Variants in ANK2 observed in about 807,000 individuals in gnomAD.
ANK2 encodes the protein ankyrin-2.
A neutral mutation model predicts 360.5 loss-of-function variants in ANK2; 83 were observed. The ratio of observed to expected loss-of-function variants is 0.23; its 90% CI spans 0.19 to 0.28. ANK2 has a LOEUF of 0.28. Ranked by LOEUF, ANK2 falls within the 10% of genes least tolerant of loss-of-function variation. The probability of loss-of-function intolerance (pLI) is 1.00; values close to 1 mark genes in which losing one functional copy is unlikely to be tolerated. For synonymous variants in ANK2, 1,740 were observed against 1,759.5 expected (o/e 0.99, Z 0.28); for missense variants, 4,201 against 4,795.7 (o/e 0.88, Z 3.66).
Position 113,356,513 on chromosome 4 carries a change from T to C in ANK2, c.7895T>C (p.Val2632Ala), listed in dbSNP as rs755760560. Residue 2632 changes from valine (V) to alanine (A), a missense_variant, in exon 38 of 46, where the codon GTA (valine) becomes GCA (alanine). Around this residue, in one of 4 missense-constraint regions of ANK2, gnomAD observed 2,642 missense variants for 2,714.5 expected, o/e 0.97. Coordinates refer to ENST00000357077, the MANE Select transcript of ANK2 (RefSeq NM_001148.6). ...SSSDPDADCS[V>A]DVDEPKHTGS... ...TCTGACCCAGATGCTGACTGTTCAG[T>C]AGATGTGGATGAACCAAAACATACA... 1 of 1,614,112 alleles carries C rather than the reference T, an allele frequency of 6.2e-7. No homozygotes were observed. The highest frequency in any genetic ancestry group is 8.5e-7 in the Non-Finnish European group (1 of 1,180,004).
chr4:112,876,134 TC>T (rs1177905173), intron 1 of ANK2, among the ~76,000 whole-genome samples: 3 of 152,034 alleles, frequency 2.0e-5, no homozygotes, highest in African/African-American at 4.8e-5. Context: ...ATATAATCAA[TC>T]CGTTTTCAAT....
At chr4:112,730,402 C>T in the ANK2 span, among the ~76,000 whole-genome samples, 4 of 150,370 alleles carry the variant, frequency 2.7e-5, no homozygotes, top group South Asian at 2.1e-4. Flanking sequence ...TTTGGGAGAT[C>T]GAGATGGCAG....
At chr4:112,758,526 T>A in the ANK2 span, among the ~76,000 whole-genome samples, 1 of 152,160 alleles carries the variant, frequency 6.6e-6, no homozygotes, top group Non-Finnish European at 1.5e-5. Flanking sequence ...TTCTCCTGCC[T>A]CAGCCTCCTG....
chr4:113,307,778 C>G (rs2077981056), intron 23 of ANK2, among the ~76,000 whole-genome samples: 1 of 152,278 alleles, frequency 6.6e-6, no homozygotes, highest in African/African-American at 2.4e-5. Flanking sequence ...CTCACTATCA[C>G]TGAGGAATCT....
Position 113,282,839 on chromosome 4 carries a change from G to A in ANK2, c.2046G>A (p.Leu682=). ...ACACAGATATGGTTACCTTGCTTCT[G>A]GATAAGGGAGCCAATATCCACATGT... ...EGHTDMVTLL[L]DKGANIHMST... The change falls in exon 18 of 46, where the codon CTG becomes CTA. Residue 682 remains leucine (L), a synonymous_variant. Coordinates refer to ENST00000357077, the MANE Select transcript of ANK2 (RefSeq NM_001148.6). The A allele has an allele frequency of 6.2e-7, 1 of 1,613,986 alleles. No homozygotes were observed. The highest frequency in any genetic ancestry group is 1.1e-5 in the South Asian group (1 of 91,078).
intron 43 of ANK2, among the ~76,000 whole-genome samples, chr4:113,370,691 CG>C (rs1486259037): frequency 3.3e-5 from 5 of 152,108 alleles, no homozygotes. Flanking sequence ...ACCCGGGAAG[CG>C]GAGCTTGCAG....
chr4:112,984,449 A>G (rs1468157888), intron 2 of ANK2, among the ~76,000 whole-genome samples: 1 of 152,214 alleles, frequency 6.6e-6, no homozygotes, highest in Non-Finnish European at 1.5e-5. Context: ...TGTAATAACC[A>G]TCAGATCTCA....
chr4:113,338,758 C>T (rs1193786913), intron 31 of ANK2, among the ~76,000 whole-genome samples: 7 of 151,780 alleles, frequency 4.6e-5, no homozygotes, highest in Non-Finnish European at 1.0e-4. Context: ...ACCGTGTTAG[C>T]CAGGATGGTC....
At position 113,365,055 on chromosome 4, in the gene ANK2, A is replaced by G. The variant is rs753253830; in HGVS notation, c.10905A>G (p.Glu3635=). The G allele has an allele frequency of 2.5e-6, 4 of 1,613,874 alleles. No individual in the cohort carries two copies. In the South Asian group the frequency reaches 3.3e-5, roughly 13 times the overall value. ...GKHATDTNLV[E]CLTKINRMDI... is the part of the protein sequence containing the mutation. ...ATGTGTCAGATACCAACCTCGTTGA[A>G]TGTCTCACCAAGATCAACCGAATGG... Residue 3635 remains glutamate, a synonymous_variant, in exon 41 of 46, where the codon GAA becomes GAG. Coordinates refer to ENST00000357077, the MANE Select transcript of ANK2 (RefSeq NM_001148.6).
At chr4:112,991,026 T>C (rs111889777) in intron 2 of ANK2, among the ~76,000 whole-genome samples, 4,450 of 151,998 alleles carry the variant, frequency 0.029, 215 homozygotes, top group African/African-American at 0.095. Flanking sequence ...CCAAGGCGGG[T>C]GCATCATGAG....
At chr4:113,005,378 A>G (rs752028330) in intron 2 of ANK2, among the ~76,000 whole-genome samples, 18 of 152,232 alleles carry the variant, frequency 1.2e-4, no homozygotes, top group Non-Finnish European at 2.4e-4. Context: ...AAAATGTGAT[A>G]TATATAATCA....
intron 1 of ANK2, among the ~76,000 whole-genome samples, chr4:113,105,843 A>G (rs1206314893): frequency 6.6e-6 from 1 of 152,236 alleles, no homozygotes; most frequent in African/African-American, 2.4e-5. Context: ...ACTAGTGTAC[A>G]GTGTGAGACT....
chr4:113,291,103 ATTAT>A (rs2067315520), intron 20 of ANK2, among the ~76,000 whole-genome samples: 1 of 152,238 alleles, frequency 6.6e-6, no homozygotes, highest in African/African-American at 2.4e-5. Context: ...ATAGTGATAT[ATTAT>A]TTTATTAATT....
intron 11 of ANK2, 116 bp from the exon 12 acceptor site, chr4:113,257,934 G>A: frequency 9.6e-7 from 1 of 1,039,090 alleles, no homozygotes; most frequent in Non-Finnish European, 1.5e-6. Flanking sequence ...TGCAGGGATT[G>A]AAGAAATGGT....
At chr4:112,930,814 G>A (rs2093133943) in intron 2 of ANK2, among the ~76,000 whole-genome samples, 1 of 151,660 alleles carries the variant, frequency 6.6e-6, no homozygotes. Context: ...CTTGAACCCA[G>A]GAGGCGGAGG....
chr4:112,872,708 G>A (rs944395359), intron 1 of ANK2, among the ~76,000 whole-genome samples: 3 of 152,060 alleles, frequency 2.0e-5, no homozygotes, highest in Non-Finnish European at 4.4e-5. Flanking sequence ...TTTCAGTATC[G>A]GTGATACAGA....
chr4:112,786,393 ATTTTTTT>A, the ANK2 span, among the ~76,000 whole-genome samples: 1 of 134,462 alleles, frequency 7.4e-6, no homozygotes, highest in Non-Finnish European at 1.6e-5. Context: ...AACCACCAGA[ATTTTTTT>A]TTTTTTTTTT....
At chr4:113,141,231 T>A (rs1426867101) in intron 1 of ANK2, 1 of 152,132 alleles carries the variant, frequency 6.6e-6, no homozygotes, top group East Asian at 1.9e-4. Context: ...GAAAAAGAGC[T>A]CCTGGATATT....
At chr4:113,035,638 T>C (rs993185438) in intron 2 of ANK2, among the ~76,000 whole-genome samples, 2 of 151,818 alleles carry the variant, frequency 1.3e-5, no homozygotes, top group Non-Finnish European at 2.9e-5. Flanking sequence ...ATTCTGAAAA[T>C]GCTGAAGACT....
Sources: allele counts gnomAD v4.1 joint callset (sites outside exome capture counted in the v4.1 genomes callset), GRCh38; gene constraint gnomAD v4.1.1; regional missense constraint gnomAD v4.1.1; transcripts MANE v1.5; gene names NCBI Gene and HGNC (gene_info 2026-07-23, HGNC 2026-07-21).